SPON1: variants seen among roughly 807,000 people sequenced by gnomAD.
SPON1 encodes the protein spondin 1, also known as spondin-1.
SPON1 carries 52 observed loss-of-function variants against 111.7 expected under a neutral mutation model. The observed-to-expected ratio is 0.47, with a 90% CI of 0.37 to 0.59. The LOEUF is 0.59. Ranked by LOEUF, SPON1 falls within the 20% of genes least tolerant of loss-of-function variation. The pLI is 0.00. For synonymous variants in SPON1, 410 were observed against 395.8 expected, an observed-to-expected ratio of 1.04 and a Z score of -0.43; for missense variants, 957 against 1,068.5, an observed-to-expected ratio of 0.90 and a Z score of 1.46.
chr11:14,195,656 A>G (rs957305476), intron 6 of SPON1, among the ~76,000 whole-genome samples: 2 of 152,204 alleles, frequency 1.3e-5, no homozygotes, highest in Admixed American at 6.5e-5. Flanking sequence ...GTGGGCAGTG[A>G]ACTCAGAGTT....
At chr11:14,168,895 C>T (rs978198183) in intron 6 of SPON1, among the ~76,000 whole-genome samples, 5 of 152,202 alleles carry the variant, frequency 3.3e-5, no homozygotes, top group African/African-American at 1.2e-4. Context: ...TTAATCCAGT[C>T]TATCATTGTT....
intron 6 of SPON1, among the ~76,000 whole-genome samples, chr11:14,188,327 A>G (rs1184382330): frequency 2.0e-5 from 3 of 152,262 alleles, no homozygotes; most frequent in Middle Eastern, 3.4e-3. Context: ...TTTTCAGAAG[A>G]TAAGTCCTGG....
intron 2 of SPON1, among the ~76,000 whole-genome samples, chr11:13,992,143 G>C (rs1482837240): frequency 6.6e-6 from 1 of 152,248 alleles, no homozygotes; most frequent in Non-Finnish European, 1.5e-5. Flanking sequence ...TTTTAAGTCT[G>C]CTGAAGCTGC....
At chr11:14,036,958 A>G (rs1848599025) in intron 2 of SPON1, among the ~76,000 whole-genome samples, 2 of 152,182 alleles carry the variant, frequency 1.3e-5, no homozygotes, top group Admixed American at 1.3e-4. Flanking sequence ...TGTGGCCTGA[A>G]AATACACAGA....
At chr11:14,196,387 A>G (rs1848402413) in intron 6 of SPON1, among the ~76,000 whole-genome samples, 1 of 152,210 alleles carries the variant, frequency 6.6e-6, no homozygotes. Flanking sequence ...AAAATGTTCT[A>G]AATCTATTGC....
chr11:13,990,755 A>G (rs1470676507), intron 2 of SPON1, among the ~76,000 whole-genome samples: 1 of 152,074 alleles, frequency 6.6e-6, no homozygotes, highest in African/African-American at 2.4e-5. Flanking sequence ...GAGCTCTTGT[A>G]AGGCATGCCT....
chr11:14,047,667 G>A (rs1257600654), intron 3 of SPON1, among the ~76,000 whole-genome samples: 1 of 152,164 alleles, frequency 6.6e-6, no homozygotes, highest in Non-Finnish European at 1.5e-5. Context: ...TGAAGACAGT[G>A]TTAGGGTTTG....
At chr11:13,997,816 G>C (rs1410284092) in intron 2 of SPON1, among the ~76,000 whole-genome samples, 1 of 152,076 alleles carries the variant, frequency 6.6e-6, no homozygotes, top group Non-Finnish European at 1.5e-5. Flanking sequence ...TGGTTGGCTG[G>C]GCTCTCAATT....
At chr11:13,981,174 C>T (rs1353034135) in intron 1 of SPON1, among the ~76,000 whole-genome samples, 1 of 152,136 alleles carries the variant, frequency 6.6e-6, no homozygotes, top group Non-Finnish European at 1.5e-5. Flanking sequence ...ATTAGCACAG[C>T]CCAGTGGAGA....
chr11:14,038,874 T>G (rs1848613110), intron 2 of SPON1, among the ~76,000 whole-genome samples: 1 of 152,232 alleles, frequency 6.6e-6, no homozygotes, highest in Non-Finnish European at 1.5e-5. Flanking sequence ...AAAAATTTTA[T>G]GTCCACCCAA....
At chr11:14,252,136 C>T (rs1849059939) in intron 7 of SPON1, among the ~76,000 whole-genome samples, 1 of 152,236 alleles carries the variant, frequency 6.6e-6, no homozygotes, top group Admixed American at 6.5e-5. Flanking sequence ...AGTCGGCCCA[C>T]TGGACACCTA....
rs146233283 is a variant in SPON1 at position 14,257,217 on chromosome 11, G to T, written c.1310-499G>T. Reference sequence around the variant, plus strand: ...CAACAGTCAAATGGGGATAATAAAAGAACTTGCTTCATACAGTTGTCAGAA... The same window carrying T: ...CAACAGTCAAATGGGGATAATAAAATAACTTGCTTCATACAGTTGTCAGAA... On this transcript the variant is annotated intron_variant, in intron 10 of 15. Transcript: ENST00000576479. Among the ~76,000 whole-genome samples, 316 of 152,322 alleles carry T rather than the reference G, an allele frequency of 2.1e-3. 1 individual carries two copies. The highest frequency in any genetic ancestry group is 3.4e-3 in the Non-Finnish European group (234 of 68,020).
chr11:14,255,644 C>T lies in SPON1; in HGVS notation c.1093-3C>T, dbSNP rs1053885385. ...CTCTCTACCTCTGTATGTTTTCTTG[C>T]AGTCACCCAACAAACCCACCATTCC... On this transcript the variant is annotated splice_polypyrimidine_tract_variant and splice_region_variant and intron_variant, in intron 8 of 15. Transcript: ENST00000576479. 2 of 1,612,778 alleles carry T rather than the reference C, an allele frequency of 1.2e-6. No individual in the cohort carries two copies. Among genetic ancestry groups the T allele is most frequent in the Non-Finnish European group, 1.7e-6 (2 of 1,179,310 alleles).
chr11:14,080,074 T>G, intron 5 of SPON1, 53 bp downstream of exon 5: 1 of 1,610,850 alleles, frequency 6.2e-7, no homozygotes, highest in Non-Finnish European at 8.5e-7. Context: ...GTCAAAGTTC[T>G]GTCTGGTTAT....
intron 2 of SPON1, among the ~76,000 whole-genome samples, chr11:13,992,459 G>A (rs547983240): frequency 2.0e-5 from 3 of 152,284 alleles, no homozygotes; most frequent in East Asian, 1.9e-4. Context: ...TGCTGGCAGC[G>A]AGAATTTCAA....
chr11:13,979,114 C>G (rs879977037), intron 1 of SPON1, among the ~76,000 whole-genome samples: 1 of 152,192 alleles, frequency 6.6e-6, no homozygotes, highest in African/African-American at 2.4e-5. Context: ...ATCAAGGTAT[C>G]CGACGGTGTT....
chr11:14,127,849 A>G (rs1554927159), intron 5 of SPON1, among the ~76,000 whole-genome samples: 1 of 152,220 alleles, frequency 6.6e-6, no homozygotes, highest in African/African-American at 2.4e-5. Context: ...ACTTACAGTC[A>G]TGGCAGAAGG....
At chr11:14,099,265 T>C (rs1554924177) in intron 5 of SPON1, among the ~76,000 whole-genome samples, 1 of 152,226 alleles carries the variant, frequency 6.6e-6, no homozygotes, top group African/African-American at 2.4e-5. Context: ...TTTACCCGTG[T>C]TAGCTTTATC....
Position 13,984,752 on chromosome 11 carries a change from T to C in SPON1, c.345+1799T>C, listed in dbSNP as rs1848169591. On this transcript the variant is annotated intron_variant, in intron 2 of 15. Coordinates refer to ENST00000576479, the MANE Select transcript of SPON1 (RefSeq NM_006108.4). ...GATAGTCTTCTCTGACTCACAGTTG[T>C]TTCTGCTTAGCTTAATCCTTGTTCT... is the stretch of plus-strand genomic sequence containing the variant. Among the ~76,000 whole-genome samples, 2 of 152,250 alleles carry C rather than the reference T, an allele frequency of 1.3e-5. 1 individual carries two copies. The highest frequency in any genetic ancestry group is 4.1e-4 in the South Asian group (2 of 4,836).
Sources: allele counts gnomAD v4.1 joint callset (sites outside exome capture counted in the v4.1 genomes callset), GRCh38; gene constraint gnomAD v4.1.1; transcripts MANE v1.5; gene names NCBI Gene and HGNC (gene_info 2026-07-23, HGNC 2026-07-21).